Variants in ARID5B observed in about 807,000 individuals in gnomAD.
ARID5B encodes AT-rich interactive domain-containing protein 5B.
A neutral mutation model predicts 97.2 loss-of-function variants in ARID5B; 13 were observed. The ratio of observed to expected loss-of-function variants is 0.13; its 90% CI spans 0.09 to 0.21. ARID5B has a LOEUF of 0.21. Among genes scored for constraint, ARID5B ranks in the 10% least tolerant of loss-of-function variants. The probability of loss-of-function intolerance (pLI) is 1.00; values close to 1 mark genes in which losing one functional copy is unlikely to be tolerated. For synonymous variants in ARID5B, 556 were observed against 570.3 expected, an observed-to-expected ratio of 0.97 and a Z score of 0.36; for missense variants, 1,210 against 1,465.3, an observed-to-expected ratio of 0.83 and a Z score of 2.84.
At chr10:62,069,640 A>C in intron 7 of ARID5B, 60 bp from the exon 8 acceptor site, 2 of 1,459,610 alleles carry the variant, frequency 1.4e-6, no homozygotes, top group Non-Finnish European at 1.9e-6. Context: ...TATGTATTGA[A>C]GCCTGGCACT....
At chr10:61,962,118 G>C (rs888521647) in intron 3 of ARID5B, among the ~76,000 whole-genome samples, 1 of 152,126 alleles carries the variant, frequency 6.6e-6, no homozygotes, top group Non-Finnish European at 1.5e-5. Context: ...CTACCAACTG[G>C]CCCCAAACAG....
chr10:62,075,497 C>A (rs1056968613), intron 8 of ARID5B, among the ~76,000 whole-genome samples: 1 of 152,222 alleles, frequency 6.6e-6, no homozygotes, highest in African/African-American at 2.4e-5. Flanking sequence ...CTGCTCTACA[C>A]ACTCTTCCGT....
At chr10:61,902,107 T>C (rs1309987512) in intron 1 of ARID5B, 52 bp from the exon 2 acceptor site, 2 of 1,603,482 alleles carry the variant, frequency 1.2e-6, no homozygotes, top group Non-Finnish European at 1.7e-6. Context: ...GAATAGATGT[T>C]TGTGCTCTGA....
intron 2 of ARID5B, among the ~76,000 whole-genome samples, chr10:61,920,253 C>T (rs368842270): frequency 6.6e-6 from 1 of 151,856 alleles, no homozygotes; most frequent in Non-Finnish European, 1.5e-5. Flanking sequence ...GCAGATTGTA[C>T]TTACAGTTAA....
intron 2 of ARID5B, among the ~76,000 whole-genome samples, chr10:61,936,864 G>A (rs867842809): frequency 4.3e-5 from 6 of 139,764 alleles, no homozygotes; most frequent in African/African-American, 1.6e-4. Flanking sequence ...AAAAAAAAAA[G>A]AAAGAAAAAA....
chr10:62,013,794 G>GTA (rs60930079), intron 4 of ARID5B, among the ~76,000 whole-genome samples: 16,478 of 138,756 alleles, frequency 0.12, 982 homozygotes, highest in African/African-American at 0.14. Context: ...ATTCCATTGG[G>GTA]TATATATATA....
At chr10:61,901,759 C>T (rs753256424) in intron 1 of ARID5B, 29 bp downstream of exon 1, 1 of 1,599,108 alleles carries the variant, frequency 6.3e-7, no homozygotes, top group South Asian at 1.1e-5. Flanking sequence ...CTCCTCCGAT[C>T]CCGGCACCCC....
In ARID5B at chr10:61,914,327, A is replaced by C. The variant is rs76761255; in HGVS notation, c.276+11914A>C. Among the ~76,000 whole-genome samples the C allele has an allele frequency of 6.2e-3, 947 of 152,318 alleles. 9 individuals carry two copies. The highest frequency in any genetic ancestry group is 0.022 in the African/African-American group (901 of 41,558). On this transcript the variant is annotated intron_variant, in intron 2 of 9. Transcript: ENST00000279873. ...ATCTACTATATGCCTACTATGTGTCAGTTCTCTGTGCTGTTAAAGGAGCAG... is the reference window on the plus strand; with the variant it reads ...ATCTACTATATGCCTACTATGTGTCCGTTCTCTGTGCTGTTAAAGGAGCAG...
At chr10:62,060,716 C>G (rs1459147636) in intron 7 of ARID5B, among the ~76,000 whole-genome samples, 1 of 152,096 alleles carries the variant, frequency 6.6e-6, no homozygotes, top group East Asian at 1.9e-4. Context: ...GCTAGACTTT[C>G]AAGTCTAGCT....
rs190575903 is a variant in ARID5B at position 62,041,752 on chromosome 10, A to T, written c.734-9136A>T. ...TCTGTAGAGAGGTAGCAAATCAGTT[A>T]TCCTCAATGATGAAATGGAATATCT... On this transcript the variant is annotated intron_variant, in intron 4 of 9. Coordinates refer to ENST00000279873, the MANE Select transcript of ARID5B (RefSeq NM_032199.3). 3.3e-5 allele frequency among the ~76,000 whole-genome samples: 5 copies of T among 152,366 alleles called. No homozygotes were observed. In the East Asian group the frequency reaches 7.7e-4, roughly 23 times the overall value.
chr10:61,926,946 G>A (rs142330046), intron 2 of ARID5B, among the ~76,000 whole-genome samples: 3 of 152,214 alleles, frequency 2.0e-5, no homozygotes, highest in East Asian at 1.9e-4. Flanking sequence ...TTAGGTTGGT[G>A]CAAAAGTAAT....
intron 7 of ARID5B, among the ~76,000 whole-genome samples, chr10:62,068,628 T>G (rs1420308456): frequency 2.6e-5 from 4 of 152,164 alleles, no homozygotes; most frequent in Admixed American, 2.0e-4. Context: ...CCTGCTTGAC[T>G]GTATTAAATT....
intron 3 of ARID5B, among the ~76,000 whole-genome samples, chr10:61,951,897 GT>G (rs1268919802): frequency 1.3e-5 from 2 of 150,212 alleles, no homozygotes; most frequent in African/African-American, 4.9e-5. Flanking sequence ...CCTATACTGG[GT>G]TTTTTTTTCA....
At position 61,946,004 on chromosome 10, in the gene ARID5B, A is replaced by G. The variant is rs1397506833; in HGVS notation, c.502+5596A>G. Among the ~76,000 whole-genome samples, 3 of 148,296 alleles carry G rather than the reference A, an allele frequency of 2.0e-5. 1 individual carries two copies. The highest frequency in any genetic ancestry group is 7.3e-5 in the African/African-American group (3 of 40,882). On this transcript the variant is annotated intron_variant, in intron 3 of 9. Coordinates refer to ENST00000279873, the MANE Select transcript of ARID5B (RefSeq NM_032199.3). ...TATTATATATGACTATTATTTTAAT[A>G]TATATTTATTTCAAATAATAAATGT... is the stretch of plus-strand genomic sequence containing the variant.
At chr10:61,903,905 C>G (rs1843664455) in intron 2 of ARID5B, among the ~76,000 whole-genome samples, 1 of 149,566 alleles carries the variant, frequency 6.7e-6, no homozygotes, top group Non-Finnish European at 1.5e-5. Context: ...CCTCCACCCT[C>G]CCCGGCCAGC....
At chr10:62,075,971 A>G (rs1446045473) in intron 8 of ARID5B, among the ~76,000 whole-genome samples, 1 of 152,226 alleles carries the variant, frequency 6.6e-6, no homozygotes, top group African/African-American at 2.4e-5. Context: ...TGCAGAGAGC[A>G]CTCTCAGGGG....
chr10:61,921,629 T>G (rs1844016885), intron 2 of ARID5B, among the ~76,000 whole-genome samples: 1 of 152,118 alleles, frequency 6.6e-6, no homozygotes, highest in Non-Finnish European at 1.5e-5. Flanking sequence ...TAATTCTGTT[T>G]GTTAGAAGTG....
chr10:61,907,757 T>C (rs1404844183), intron 2 of ARID5B, among the ~76,000 whole-genome samples: 1 of 152,264 alleles, frequency 6.6e-6, no homozygotes, highest in Non-Finnish European at 1.5e-5. Flanking sequence ...TGGCCCACTG[T>C]CTGTTTTTGT....
intron 7 of ARID5B, among the ~76,000 whole-genome samples, chr10:62,061,292 T>A (rs1281921124): frequency 6.6e-6 from 1 of 152,230 alleles, no homozygotes; most frequent in Non-Finnish European, 1.5e-5. Flanking sequence ...TTGGGAAGAA[T>A]TCTGGGGAAT....
Sources: gnomAD v4.1 joint callset for allele counts (sites outside exome capture counted in the v4.1 genomes callset) on GRCh38, gnomAD v4.1.1 for gene constraint, MANE v1.5 for transcripts, NCBI Gene and HGNC (gene_info 2026-07-23, HGNC 2026-07-21) for gene names.